Variants in LAMA2 observed in about 807,000 individuals in gnomAD.
LAMA2 encodes the protein laminin subunit alpha-2.
Under a neutral mutation model 364.8 loss-of-function variants are expected in LAMA2, and 269 were observed. The observed-to-expected ratio is 0.74, with a 90% CI of 0.67 to 0.82. The LOEUF is 0.82. Among genes scored for constraint, LAMA2 ranks in the 40% least tolerant of loss-of-function variants. The probability of loss-of-function intolerance (pLI) is 0.00; values close to 1 mark genes in which losing one functional copy is unlikely to be tolerated. For synonymous variants in LAMA2, 1,379 were observed against 1,370.6 expected (o/e 1.01, Z -0.14); for missense variants, 3,807 against 3,873.2 (o/e 0.98, Z 0.45).
intron 28 of LAMA2, among the ~76,000 whole-genome samples, chr6:129,324,283 CAAGT>C (rs1368743291): frequency 6.6e-6 from 1 of 152,206 alleles, no homozygotes; most frequent in Non-Finnish European, 1.5e-5. Flanking sequence ...TGCTTTATCT[CAAGT>C]AATCCTCAGA....
At chr6:128,934,307 G>A (rs544738152) in intron 1 of LAMA2, among the ~76,000 whole-genome samples, 4 of 152,098 alleles carry the variant, frequency 2.6e-5, no homozygotes, top group African/African-American at 7.2e-5. Context: ...TGTTTTTATA[G>A]CACTATCACA....
chr6:128,916,229 AAAAC>A (rs1159459899), intron 1 of LAMA2, among the ~76,000 whole-genome samples: 6 of 152,132 alleles, frequency 3.9e-5, no homozygotes, highest in Non-Finnish European at 8.8e-5. Context: ...AACAAAAACA[AAAAC>A]AAAAAAACTA....
intron 34 of LAMA2, among the ~76,000 whole-genome samples, chr6:129,377,321 T>C (rs1247539747): frequency 6.6e-6 from 1 of 152,052 alleles, no homozygotes; most frequent in African/African-American, 2.4e-5. Context: ...TTTACAAGAT[T>C]TTATTTATAG....
At chr6:129,261,234 A>G (rs944963822) in intron 15 of LAMA2, among the ~76,000 whole-genome samples, 3 of 151,324 alleles carry the variant, frequency 2.0e-5, no homozygotes, top group Non-Finnish European at 4.4e-5. Flanking sequence ...CCTCTACTTC[A>G]TTTCTAAGAA....
intron 53 of LAMA2, among the ~76,000 whole-genome samples, chr6:129,478,283 T>C (rs547784407): frequency 0.026 from 3,927 of 152,232 alleles, 73 homozygotes; most frequent in Non-Finnish European, 0.039. Flanking sequence ...AGATTTTTTT[T>C]TCTAACTTTT....
chr6:129,321,521 T>G (rs1774966848), intron 28 of LAMA2, among the ~76,000 whole-genome samples: 1 of 152,176 alleles, frequency 6.6e-6, no homozygotes, highest in African/African-American at 2.4e-5. Flanking sequence ...CTGGGATTCT[T>G]TCTCATTAGT....
rs1307411093 is a variant in LAMA2, at chr6:129,440,835, A to G, written c.6105A>G (p.Gln2035=). The G allele has an allele frequency of 1.2e-6, 2 of 1,613,936 alleles. No individual in the cohort carries two copies. ...TGACAGATACAGCTGCTAAACTGCA[A>G]GCTGTTAAGGACAAAGCCAGACAAG... The part of the protein sequence containing the change: ...AIPNDTAAKL[Q]AVKDKARQAN... Residue 2035 remains glutamine, a synonymous_variant, in exon 43 of 65, where the codon CAA becomes CAG. Transcript: ENST00000421865.
chr6:129,311,544 G>A (rs1354819274), intron 22 of LAMA2, among the ~76,000 whole-genome samples: 5 of 152,148 alleles, frequency 3.3e-5, no homozygotes, highest in African/African-American at 1.2e-4. Flanking sequence ...AAATGTCTAC[G>A]GGGTCTACCT....
intron 5 of LAMA2, among the ~76,000 whole-genome samples, chr6:129,145,665 C>T (rs1277766229): frequency 6.6e-6 from 1 of 151,836 alleles, no homozygotes; most frequent in Non-Finnish European, 1.5e-5. Context: ...TTATTTATAA[C>T]TTTATCGTAC....
intron 3 of LAMA2, among the ~76,000 whole-genome samples, chr6:129,086,868 T>G (rs893925520): frequency 2.0e-5 from 3 of 152,238 alleles, no homozygotes; most frequent in African/African-American, 7.2e-5. Flanking sequence ...ATTCATTTTC[T>G]AAAATTCATT....
intron 41 of LAMA2, among the ~76,000 whole-genome samples, chr6:129,431,423 A>G (rs565358733): frequency 5.9e-5 from 9 of 151,948 alleles, no homozygotes; most frequent in Non-Finnish European, 8.8e-5. Flanking sequence ...AAACTAGGTA[A>G]CATACCTATA....
rs370007804 is a variant in LAMA2, at chr6:129,280,269, A to G, written c.2537+122A>G. 2.6e-4 allele frequency: 187 copies of G among 718,190 alleles called. 1 individual carries two copies. In the African/African-American group the frequency reaches 2.8e-3, roughly 11 times the overall value. The allele number at this position is 718,190 out of a possible 1,614,324, so 44.5% of individuals were successfully genotyped here. On this transcript the variant is annotated intron_variant, in intron 18 of 64. Transcript: ENST00000421865. ...AAGGCCACACTCAATGAGGTGAAAT[A>G]AAGTTTCTCAACGCACTTGTCAAAC...
chr6:128,944,478 A>G (rs1351890718), intron 1 of LAMA2, among the ~76,000 whole-genome samples: 2 of 152,080 alleles, frequency 1.3e-5, no homozygotes, highest in African/African-American at 2.4e-5. Context: ...CTAAAATCCT[A>G]AAGACTGGAT....
chr6:129,072,615 C>A (rs899075935), intron 3 of LAMA2, among the ~76,000 whole-genome samples: 11 of 151,974 alleles, frequency 7.2e-5, no homozygotes, highest in Admixed American at 5.9e-4. Flanking sequence ...TTTGTCTTAT[C>A]TTTTGCTAAT....
At chr6:128,887,501 T>C (rs970155715) in intron 1 of LAMA2, among the ~76,000 whole-genome samples, 1 of 152,152 alleles carries the variant, frequency 6.6e-6, no homozygotes, top group Non-Finnish European at 1.5e-5. Flanking sequence ...TATCAATGTG[T>C]ACAGATTTCT....
chr6:128,905,142 A>G (rs936349395), intron 1 of LAMA2, among the ~76,000 whole-genome samples: 3 of 152,186 alleles, frequency 2.0e-5, no homozygotes, highest in Non-Finnish European at 4.4e-5. Context: ...ATAGTTTCCT[A>G]TATTATAACT....
At chr6:129,155,618 A>T (rs1779067479) in intron 8 of LAMA2, among the ~76,000 whole-genome samples, 1 of 152,150 alleles carries the variant, frequency 6.6e-6, no homozygotes, top group African/African-American at 2.4e-5. Flanking sequence ...GTGAATAAGT[A>T]ACCAGATTTA....
intron 1 of LAMA2, among the ~76,000 whole-genome samples, chr6:129,021,947 A>G (rs902415740): frequency 7.9e-5 from 12 of 152,350 alleles, no homozygotes; most frequent in African/African-American, 2.9e-4. Context: ...AGTAGGCCAC[A>G]AGGCATGGCA....
chr6:129,069,207 A>C (rs1310260243), intron 3 of LAMA2, among the ~76,000 whole-genome samples: 2 of 152,042 alleles, frequency 1.3e-5, no homozygotes, highest in Non-Finnish European at 2.9e-5. Flanking sequence ...TGTTATGGAA[A>C]GTCTGAACAA....
Sources: allele counts gnomAD v4.1 joint callset (sites outside exome capture counted in the v4.1 genomes callset), GRCh38; gene constraint gnomAD v4.1.1; transcripts MANE v1.5; gene names NCBI Gene and HGNC (gene_info 2026-07-23, HGNC 2026-07-21).